The following DOK6 variants were observed in gnomAD, a reference collection of about 807,000 sequenced individuals.
DOK6 encodes docking protein 6.
A neutral mutation model predicts 44.0 loss-of-function variants in DOK6; 22 were observed. The ratio of observed to expected loss-of-function variants is 0.50; its 90% CI spans 0.36 to 0.71. The LOEUF (loss-of-function observed/expected upper bound fraction) is 0.71. Ranked by LOEUF, DOK6 falls within the 30% of genes least tolerant of loss-of-function variation. The pLI is 0.00. For missense variants in DOK6, 340 were observed against 416.4 expected, an observed-to-expected ratio of 0.82 and a Z score of 1.60; for synonymous variants, 166 against 145.5, an observed-to-expected ratio of 1.14 and a Z score of -1.01.
chr18:69,702,920 G>T (rs560692653), intron 5 of DOK6, among the ~76,000 whole-genome samples: 1 of 152,258 alleles, frequency 6.6e-6, no homozygotes, highest in Non-Finnish European at 1.5e-5. Flanking sequence ...AGCAATTCAC[G>T]TTAAAGTATG....
At chr18:69,516,603 A>G (rs115658823) in intron 1 of DOK6, among the ~76,000 whole-genome samples, 32 of 152,284 alleles carry the variant, frequency 2.1e-4, no homozygotes, top group Middle Eastern at 3.4e-3. Flanking sequence ...TTATGGAACA[A>G]TATTCTATCA....
intron 1 of DOK6, among the ~76,000 whole-genome samples, chr18:69,505,105 A>C (rs1026300569): frequency 1.3e-5 from 2 of 152,238 alleles, no homozygotes; most frequent in Admixed American, 1.3e-4. Flanking sequence ...CACAGTCCAC[A>C]GTCACATCCC....
intron 1 of DOK6, among the ~76,000 whole-genome samples, chr18:69,509,531 G>C (rs1342702468): frequency 3.3e-5 from 5 of 151,604 alleles, no homozygotes; most frequent in African/African-American, 7.3e-5. Flanking sequence ...CCAGCTACTC[G>C]GGAGGCCGAG....
chr18:69,477,263 G>A (rs185731428), intron 1 of DOK6, among the ~76,000 whole-genome samples: 53 of 152,274 alleles, frequency 3.5e-4, no homozygotes, highest in African/African-American at 1.3e-3. Context: ...TTCGAGATCC[G>A]TTCTAAGCCC....
chr18:69,805,367 G>A (rs978962652), intron 7 of DOK6, among the ~76,000 whole-genome samples: 3 of 152,076 alleles, frequency 2.0e-5, no homozygotes, highest in East Asian at 1.9e-4. Flanking sequence ...GCTCTTGAAG[G>A]CCCTTGTGAG....
chr18:69,799,730 A>G (rs1200365209), intron 7 of DOK6, among the ~76,000 whole-genome samples: 1 of 152,094 alleles, frequency 6.6e-6, no homozygotes, highest in Non-Finnish European at 1.5e-5. Flanking sequence ...TGTGGAAGAT[A>G]CAGCATAATA....
chr18:69,685,104 GTGAGTCCTCA>G (rs1361680129), intron 4 of DOK6, among the ~76,000 whole-genome samples: 7 of 152,176 alleles, frequency 4.6e-5, no homozygotes, highest in African/African-American at 1.7e-4. Context: ...AATGGGTTAA[GTGAGTCCTCA>G]TTTGACAGAA....
At chr18:69,574,382 T>C (rs1413167476) in intron 2 of DOK6, among the ~76,000 whole-genome samples, 1 of 152,088 alleles carries the variant, frequency 6.6e-6, no homozygotes, top group Non-Finnish European at 1.5e-5. Context: ...GGTTTATAAA[T>C]AGCTAACTAT....
intron 6 of DOK6, among the ~76,000 whole-genome samples, chr18:69,753,902 A>T (rs1979267886): frequency 1.3e-5 from 2 of 152,162 alleles, no homozygotes; most frequent in South Asian, 4.1e-4. Flanking sequence ...CTTCAAACAC[A>T]TGTATCCATC....
At chr18:69,541,000 G>A (rs1568290473) in intron 1 of DOK6, among the ~76,000 whole-genome samples, 1 of 152,098 alleles carries the variant, frequency 6.6e-6, no homozygotes, top group Non-Finnish European at 1.5e-5. Context: ...TAATTTGAGT[G>A]GGGGAGGAAG....
At position 69,659,910 on chromosome 18, in the gene DOK6, T is replaced by A. The variant is rs1403312687; in HGVS notation, c.290-17824T>A. 15 of 81,986 alleles carry A rather than the reference T, an allele frequency of 1.8e-4. 2 individuals carry two copies. Among genetic ancestry groups the A allele is most frequent in the Middle Eastern group, 9.1e-3 (1 of 110 alleles). The allele number at this position is 81,986 out of a possible 1,614,324, so 5.1% of individuals were successfully genotyped here. On this transcript the variant is annotated intron_variant, in intron 3 of 7. Transcript: ENST00000382713. ...TATATATATAACATATATGTATGTT[T>A]TATATATATAACATATATGTATGTT...
At chr18:69,404,129 T>A (rs186323602) in intron 1 of DOK6, among the ~76,000 whole-genome samples, 1 of 152,192 alleles carries the variant, frequency 6.6e-6, no homozygotes, top group African/African-American at 2.4e-5. Flanking sequence ...CAGAGATAAT[T>A]ATTGACATGA....
At chr18:69,617,853 G>T (rs11663488) in intron 3 of DOK6, among the ~76,000 whole-genome samples, 1 of 152,094 alleles carries the variant, frequency 6.6e-6, no homozygotes, top group Non-Finnish European at 1.5e-5. Context: ...CCCACAAAAC[G>T]CATGTTCAGG....
At chr18:69,494,061 A>T (rs1377369606) in intron 1 of DOK6, among the ~76,000 whole-genome samples, 15 of 152,232 alleles carry the variant, frequency 9.9e-5, no homozygotes, top group Non-Finnish European at 4.4e-5. Flanking sequence ...AATCTAAATG[A>T]GATATTTTGT....
At chr18:69,459,185 TTTTG>T (rs1380463134) in intron 1 of DOK6, among the ~76,000 whole-genome samples, 24 of 43,568 alleles carry the variant, frequency 5.5e-4, no homozygotes, top group South Asian at 1.3e-3. Context: ...AAAAAAAATA[TTTTG>T]TGTGTGTGTG....
In DOK6 at chr18:69,693,388, A is replaced by G. The variant is rs535612755; in HGVS notation, c.410-5016A>G. 1.1e-4 allele frequency among the ~76,000 whole-genome samples: 17 copies of G among 152,168 alleles called. No individual in the cohort carries two copies. In the East Asian group the frequency reaches 3.1e-3, roughly 28 times the overall value. On this transcript the variant is annotated intron_variant, in intron 4 of 7. Transcript: ENST00000382713. The stretch of plus-strand genomic sequence containing the variant: ...AATTTCTTCTAACTAACATACAAAA[A>G]TGCATTTTATGTGTATGCAGTCACA...
At chr18:69,664,863 A>G (rs1281659060) in intron 3 of DOK6, among the ~76,000 whole-genome samples, 2 of 152,208 alleles carry the variant, frequency 1.3e-5, no homozygotes, top group African/African-American at 4.8e-5. Context: ...GCTTCTGCTC[A>G]CTGAACATCA....
Position 69,444,830 on chromosome 18 carries a change from T to C in DOK6, c.66+43520T>C, listed in dbSNP as rs187953733. Among the ~76,000 whole-genome samples, 126 of 152,154 alleles carry C rather than the reference T, an allele frequency of 8.3e-4. 1 individual carries two copies. The highest frequency in any genetic ancestry group is 7.6e-3 in the Admixed American group (116 of 15,262). ...GTTTGCTTTAATTTATTTTTTACTA[T>C]TATGGCTACTTACAATTCCATATGA... On this transcript the variant is annotated intron_variant, in intron 1 of 7. Transcript: ENST00000382713.
intron 7 of DOK6, among the ~76,000 whole-genome samples, chr18:69,788,259 TACTAGA>T (rs1371691349): frequency 6.6e-6 from 1 of 152,168 alleles, no homozygotes; most frequent in Non-Finnish European, 1.5e-5. Flanking sequence ...CCCAACAAGG[TACTAGA>T]ACTGGCACGT....
Sources: gnomAD v4.1 joint callset for allele counts (sites outside exome capture counted in the v4.1 genomes callset) on GRCh38, gnomAD v4.1.1 for gene constraint, MANE v1.5 for transcripts, NCBI Gene and HGNC (gene_info 2026-07-23, HGNC 2026-07-21) for gene names.